Variants in BCL11B observed in about 807,000 individuals in gnomAD.
BCL11B encodes BCL11 transcription factor B.
Under a neutral mutation model 49.9 loss-of-function variants are expected in BCL11B, and 8 were observed. The ratio of observed to expected loss-of-function variants is 0.16; its 90% confidence interval spans 0.09 to 0.29. The LOEUF (loss-of-function observed/expected upper bound fraction) is 0.29. Ranked by LOEUF, BCL11B falls within the 10% of genes least tolerant of loss-of-function variation. BCL11B has a pLI of 1.00. For synonymous variants in BCL11B, 739 were observed against 637.4 expected (o/e 1.16, Z -2.40); for missense variants, 1,006 against 1,351.0 (o/e 0.74, Z 4.00).
At position 99,173,139 on chromosome 14, in the gene BCL11B, G is replaced by A; in HGVS notation, c.*1012C>T. ...GCCAGAAAACGCCTAAAAGAACACC[G>A]CTAGTTTCTTCCTTTCTGTGTCACT... On this transcript the variant is annotated 3_prime_UTR_variant, in exon 4 of 4. Coordinates refer to ENST00000357195, the MANE Select transcript of BCL11B (RefSeq NM_138576.4). 4.3e-6 allele frequency: 1 copy of A among 230,586 alleles called. No homozygotes were observed. Among genetic ancestry groups the A allele is most frequent in the East Asian group, 6.1e-5 (1 of 16,290 alleles). 14.3% of individuals were successfully genotyped at this position (230,586 alleles called of 1,614,324 possible).
intron 3 of BCL11B, among the ~76,000 whole-genome samples, chr14:99,185,088 C>T (rs983420844): frequency 1.3e-5 from 2 of 152,230 alleles, no homozygotes; most frequent in East Asian, 3.9e-4. Context: ...AATTGTCAGA[C>T]AAAGCAGAAA....
At chr14:99,264,041 C>T (rs1889411110) in intron 1 of BCL11B, 1 of 152,270 alleles carries the variant, frequency 6.6e-6, no homozygotes, top group Admixed American at 6.5e-5. Context: ...CTTCAATCTT[C>T]AGAGCCACAA....
At chr14:99,250,648 T>C (rs543816930) in intron 2 of BCL11B, among the ~76,000 whole-genome samples, 7 of 152,142 alleles carry the variant, frequency 4.6e-5, no homozygotes, top group Non-Finnish European at 8.8e-5. Flanking sequence ...AAATGCCTGA[T>C]TAAAAAAACT....
rs1886478673 is a variant in BCL11B, at chr14:99,175,525, C to G, written c.1311G>C (p.Lys437Asn). Residue 437 changes from lysine (K) to asparagine (N), a missense_variant, in exon 4 of 4, where the codon AAG becomes AAC. Around this residue, in one of 6 missense-constraint regions of BCL11B, gnomAD observed 15 missense variants for 75.3 expected, o/e 0.20. Transcript: ENST00000357195. ...GGTGCACGATGAGATTGCTCTGGAA[C>G]TTGAAGGTCTTGCCGCAGAACTCGC... ...KSCEFCGKTF[K>N]FQSNLIVHRR... 1 of 1,607,174 alleles carries G rather than the reference C, an allele frequency of 6.2e-7. No homozygotes were observed. The highest frequency in any genetic ancestry group is 8.5e-7 in the Non-Finnish European group (1 of 1,176,342).
Position 99,174,869 on chromosome 14 carries a change from C to A in BCL11B, c.1967G>T (p.Gly656Val). Residue 656 changes from glycine (G) to valine (V), a missense_variant, in exon 4 of 4, where the codon GGC (glycine) becomes GTC (valine). By Grantham distance (109) the Gly-to-Val change is moderately radical. Transcript: ENST00000357195. ...GGGCTCGGTGCCTGGCGCGAAGCCG[C>A]CCCCGCGCCCGTTGACCGCGCCGCC... ...GAGGAVNGRG[G>V]GFAPGTEPFP... is the part of the protein sequence containing the mutation. 1 of 1,165,816 alleles carries A rather than the reference C, an allele frequency of 8.6e-7. No individual in the cohort carries two copies. Among genetic ancestry groups the A allele is most frequent in the Non-Finnish European group, 1.1e-6 (1 of 946,708 alleles). 72.2% of individuals were successfully genotyped at this position (1,165,816 alleles called of 1,614,324 possible). A position where few individuals can be genotyped will look rare whatever the true frequency, so the allele number is the denominator to read the frequency against.
chr14:99,223,242 C>G (rs1463233406), intron 3 of BCL11B, among the ~76,000 whole-genome samples: 1 of 152,162 alleles, frequency 6.6e-6, no homozygotes, highest in East Asian at 1.9e-4. Flanking sequence ...TCATTTTTCC[C>G]CATGGAAGAT....
intron 3 of BCL11B, among the ~76,000 whole-genome samples, chr14:99,191,809 G>A (rs983630457): frequency 5.3e-5 from 8 of 152,090 alleles, no homozygotes; most frequent in African/African-American, 1.7e-4. Flanking sequence ...TAGATTTGGT[G>A]GCTCAGCTGT....
chr14:99,202,363 T>C (rs1485077021), intron 3 of BCL11B, among the ~76,000 whole-genome samples: 1 of 152,172 alleles, frequency 6.6e-6, no homozygotes, highest in African/African-American at 2.4e-5. Flanking sequence ...TAAGAGTTCT[T>C]TTCTCCTGCT....
At position 99,189,689 on chromosome 14, in the gene BCL11B, GAGGGCAGGATAA is replaced by G. The variant is rs369054457; in HGVS notation, c.641-13506_641-13495del. Among the ~76,000 whole-genome samples the G allele has an allele frequency of 5.5e-4, 84 of 152,306 alleles. 2 individuals carry two copies. The East Asian group carries it at 0.016, about 29-fold the overall frequency. On this transcript the variant is annotated intron_variant, in intron 3 of 3. Coordinates refer to ENST00000357195, the MANE Select transcript of BCL11B (RefSeq NM_138576.4). ...CTCCCAGGACTGCCCCCCACCCCAT[GAGGGCAGGATAA>G]AGGCATCATCCACACCAAGGGGCAG... is the stretch of plus-strand genomic sequence containing the variant.
At chr14:99,260,058 T>C (rs1889291428) in intron 1 of BCL11B, among the ~76,000 whole-genome samples, 1 of 152,148 alleles carries the variant, frequency 6.6e-6, no homozygotes, top group Non-Finnish European at 1.5e-5. Flanking sequence ...TTTAGAAATA[T>C]AAGGATGTAT....
chr14:99,263,277 C>T (rs1370858572), intron 1 of BCL11B: 1 of 153,434 alleles, frequency 6.5e-6, no homozygotes, highest in Non-Finnish European at 1.5e-5. Context: ...ATACCACAGC[C>T]ACCACCCCAT....
Position 99,175,399 on chromosome 14 carries a change from G to A in BCL11B, c.1437C>T (p.His479=), listed in dbSNP as rs147218517. Residue 479 remains histidine (H), a synonymous_variant, in exon 4 of 4, where the codon CAC becomes CAT. Transcript: ENST00000357195. ...KLKRHMKTHM[H]KAGSLAGRSD... ...AGCGGCCGGCCAGCGAGCCGGCCTT[G>A]TGCATGTGCGTCTTCATGTGGCGCT... 660 of 1,605,702 alleles carry A rather than the reference G, an allele frequency of 4.1e-4. 4 individuals carry two copies. In the African/African-American group the frequency reaches 7.9e-3, roughly 19 times the overall value.
intron 1 of BCL11B, among the ~76,000 whole-genome samples, chr14:99,268,854 C>T (rs1477740058): frequency 6.6e-6 from 1 of 152,120 alleles, no homozygotes; most frequent in Non-Finnish European, 1.5e-5. Flanking sequence ...TCTCTTTTTC[C>T]CTCCCTGCCA....
chr14:99,207,754 G>A (rs553892173), intron 3 of BCL11B, among the ~76,000 whole-genome samples: 14 of 152,278 alleles, frequency 9.2e-5, no homozygotes, highest in Admixed American at 7.8e-4. Flanking sequence ...GGGCTTGCTG[G>A]GCAGAGTCTG....
chr14:99,250,203 T>C (rs1432825668), intron 2 of BCL11B, among the ~76,000 whole-genome samples: 1 of 151,746 alleles, frequency 6.6e-6, no homozygotes, highest in Admixed American at 6.6e-5. Context: ...GCCCAGCTAA[T>C]TTTTTGTATT....
Position 99,231,645 on chromosome 14 carries a change from C to T in BCL11B, c.428-88G>A. On this transcript the variant is annotated intron_variant, in intron 2 of 3. Coordinates refer to ENST00000357195, the MANE Select transcript of BCL11B (RefSeq NM_138576.4). The surrounding 1 kb of genome is among the most constrained non-coding windows in gnomAD (Gnocchi z 8.1). ...GTGGGACGGGGCTCGGGGCGTGGGG[C>T]TCTGCTCAGGCCACCCTTCGGGGGT... 7.3e-7 allele frequency: 1 copy of T among 1,377,396 alleles called. No homozygotes were observed. Among genetic ancestry groups the T allele is most frequent in the African/African-American group, 1.4e-5 (1 of 69,668 alleles). 85.3% of individuals were successfully genotyped at this position (1,377,396 alleles called of 1,614,324 possible).
At chr14:99,236,355 C>T (rs1396330176) in intron 2 of BCL11B, among the ~76,000 whole-genome samples, 3 of 152,128 alleles carry the variant, frequency 2.0e-5, no homozygotes, top group African/African-American at 4.8e-5. Context: ...AAAGAAATAA[C>T]GTGAAGTCAA....
chr14:99,193,033 C>T (rs559034084), intron 3 of BCL11B, among the ~76,000 whole-genome samples: 5 of 152,176 alleles, frequency 3.3e-5, no homozygotes, highest in African/African-American at 1.2e-4. Flanking sequence ...GAGATGGGAC[C>T]GCTCATGAAC....
Position 99,213,084 on chromosome 14 carries a change from G to A in BCL11B, c.640+18261C>T, listed in dbSNP as rs779290783. ...AGGGGACCCTAGACCCTGTGCCAGT[G>A]CAGAGTGGGGGACCTACTGCCATCT... On this transcript the variant is annotated intron_variant, in intron 3 of 3. Transcript: ENST00000357195. This position sits in a 1 kb window ranked among gnomAD's most constrained non-coding sequence, Gnocchi z 5.1. 3.3e-5 allele frequency among the ~76,000 whole-genome samples: 5 copies of A among 152,196 alleles called. No individual in the cohort carries two copies. The highest frequency in any genetic ancestry group is 7.3e-5 in the Non-Finnish European group (5 of 68,028).
Sources: gnomAD v4.1 joint callset for allele counts (sites outside exome capture counted in the v4.1 genomes callset) on GRCh38, gnomAD v4.1.1 for gene constraint, gnomAD v4.1.1 regional missense constraint, Gnocchi (gnomAD v3.1) non-coding constraint, MANE v1.5 for transcripts, NCBI Gene and HGNC (gene_info 2026-07-23, HGNC 2026-07-21) for gene names.